XKR4: variants seen among roughly 807,000 people sequenced by gnomAD.
The protein encoded by XKR4 is XK related 4, also known as XK-related protein 4.
XKR4 carries 12 observed loss-of-function variants against 53.9 expected under a neutral mutation model. That is an observed-to-expected ratio of 0.22 (90% CI 0.14 to 0.36). The LOEUF (loss-of-function observed/expected upper bound fraction) is 0.36. Among genes scored for constraint, XKR4 ranks in the 10% least tolerant of loss-of-function variants. XKR4 has a pLI of 1.00. For missense variants in XKR4, 799 were observed against 859.5 expected (o/e 0.93, Z 0.88); for synonymous variants, 354 against 362.4 (o/e 0.98, Z 0.26).
chr8:55,449,736 A>G (rs1805401831), intron 2 of XKR4: 9 of 944,384 alleles, frequency 9.5e-6, no homozygotes, highest in Admixed American at 1.7e-5. Context: ...CGGTGGTCGT[A>G]GTAGCGTAGC....
chr8:55,486,679 T>C (rs1806195413), intron 2 of XKR4, among the ~76,000 whole-genome samples: 1 of 152,260 alleles, frequency 6.6e-6, no homozygotes, highest in South Asian at 2.1e-4. Context: ...CACTTGTATT[T>C]GGATAGTGGT....
chr8:55,484,839 G>C (rs1050857174), intron 2 of XKR4, among the ~76,000 whole-genome samples: 5 of 152,214 alleles, frequency 3.3e-5, no homozygotes, highest in African/African-American at 1.2e-4. Context: ...ATCTTCTCCT[G>C]TCTTCAGACT....
At chr8:55,457,948 CA>C (rs34211333) in intron 2 of XKR4, among the ~76,000 whole-genome samples, 1 of 151,620 alleles carries the variant, frequency 6.6e-6, no homozygotes, top group African/African-American at 2.4e-5. Flanking sequence ...GAACTACACA[CA>C]AAAAAACCAT....
Position 55,529,563 on chromosome 8 carries a change from A to G in XKR4, c.*5336A>G, listed in dbSNP as rs1035996258. The G allele has an allele frequency of 6.6e-6, 1 of 152,164 alleles. No individual in the cohort carries two copies. The highest frequency in any genetic ancestry group is 1.5e-5 in the Non-Finnish European group (1 of 68,034). 9.4% of individuals were successfully genotyped at this position (152,164 alleles called of 1,614,324 possible). A position where few individuals can be genotyped will look rare whatever the true frequency, so the allele number is the denominator to read the frequency against. ...CCTCACTGCCATCTGTGAGTTAAGCATCATTTACAGATGACAAAATCTGTA... is the reference window on the plus strand; with the variant it reads ...CCTCACTGCCATCTGTGAGTTAAGCGTCATTTACAGATGACAAAATCTGTA... On this transcript the variant is annotated 3_prime_UTR_variant, in exon 3 of 3. Transcript: ENST00000327381.
At chr8:55,478,969 C>T (rs1806053499) in intron 2 of XKR4, among the ~76,000 whole-genome samples, 1 of 152,104 alleles carries the variant, frequency 6.6e-6, no homozygotes, top group African/African-American at 2.4e-5. Flanking sequence ...TAACACCCCA[C>T]TGTCAACATT....
chr8:55,489,770 T>G (rs1806247227), intron 2 of XKR4, among the ~76,000 whole-genome samples: 1 of 152,184 alleles, frequency 6.6e-6, no homozygotes, highest in African/African-American at 2.4e-5. Flanking sequence ...TTAAATTATA[T>G]GAACTAGGTA....
At position 55,357,836 on chromosome 8, in the gene XKR4, T is replaced by A; in HGVS notation, c.965T>A (p.Leu322His). 1 of 1,614,208 alleles carries A rather than the reference T, an allele frequency of 6.2e-7. No homozygotes were observed. Among genetic ancestry groups the A allele is most frequent in the Non-Finnish European group, 8.5e-7 (1 of 1,180,024 alleles). ...LESAPQLVLQ[L>H]CIIVQTHSLQ... ...AGTGCTCCACAGCTGGTCCTGCAGC[T>A]CTGCATTATCGTACAGACTCATAGC... Residue 322 changes from leucine (L) to histidine (H), a missense_variant, in exon 2 of 3, where the codon CTC (leucine) becomes CAC (histidine). Physicochemically the swap from Leu to His is moderately conservative, Grantham distance 99 (BLOSUM62 -3). Around this residue, in one of 3 missense-constraint regions of XKR4, gnomAD observed 476 missense variants for 505.4 expected, o/e 0.94. Transcript: ENST00000327381.
In XKR4 at chr8:55,371,000, C is replaced by A. The variant is rs575393008; in HGVS notation, c.1006+13123C>A. ...ATTTCAGTCTAATGGAAAAGAGAGACCAAAACCTTATTAGAAGTCAATGTG... is the reference window on the plus strand; with the variant it reads ...ATTTCAGTCTAATGGAAAAGAGAGAACAAAACCTTATTAGAAGTCAATGTG... On this transcript the variant is annotated intron_variant, in intron 2 of 2. Coordinates refer to ENST00000327381, the MANE Select transcript of XKR4 (RefSeq NM_052898.2). Among the ~76,000 whole-genome samples, 4 of 151,506 alleles carry A rather than the reference C, an allele frequency of 2.6e-5. No homozygotes were observed. In the South Asian group the frequency reaches 8.5e-4, roughly 32 times the overall value.
chr8:55,369,210 G>T (rs1804034679), intron 2 of XKR4, among the ~76,000 whole-genome samples: 1 of 151,702 alleles, frequency 6.6e-6, no homozygotes, highest in Non-Finnish European at 1.5e-5. Flanking sequence ...AAAGAGAAAA[G>T]AAATTAGCCA....
chr8:55,452,196 T>A (rs1441307087), intron 2 of XKR4: 2 of 708,762 alleles, frequency 2.8e-6, no homozygotes, highest in Non-Finnish European at 4.9e-6. Flanking sequence ...CCCCACCTCC[T>A]CATCAAAGGC....
chr8:55,339,209 G>A (rs767611630), intron 1 of XKR4, among the ~76,000 whole-genome samples: 1 of 152,118 alleles, frequency 6.6e-6, no homozygotes, highest in Non-Finnish European at 1.5e-5. Flanking sequence ...TGTGTCTGAA[G>A]GGCATGAACT....
At position 55,202,943 on chromosome 8, in the gene XKR4, A is replaced by G. The variant is rs184619185; in HGVS notation, c.806+99649A>G. Among the ~76,000 whole-genome samples the G allele has an allele frequency of 2.3e-3, 343 of 152,336 alleles. 5 individuals are homozygous for G. The highest frequency in any genetic ancestry group is 0.021 in the Admixed American group (327 of 15,300). On this transcript the variant is annotated intron_variant, in intron 1 of 2. Transcript: ENST00000327381. ...ACCTTTAGGGAGAGCCTGTGGATCC[A>G]GCCACAGCTGGAGGGTTGGTTACAC...
chr8:55,364,772 A>G (rs1803951958), intron 2 of XKR4, among the ~76,000 whole-genome samples: 1 of 152,124 alleles, frequency 6.6e-6, no homozygotes, highest in Non-Finnish European at 1.5e-5. Context: ...AGCTGGAATT[A>G]CAGGCCCCCG....
At chr8:55,223,584 T>C (rs192117328) in intron 1 of XKR4, among the ~76,000 whole-genome samples, 1 of 152,360 alleles carries the variant, frequency 6.6e-6, no homozygotes, top group African/African-American at 2.4e-5. Flanking sequence ...TTCCAATGCA[T>C]TTCTAGAAAG....
At chr8:55,204,902 TGA>T (rs1217816426) in intron 1 of XKR4, among the ~76,000 whole-genome samples, 6 of 152,216 alleles carry the variant, frequency 3.9e-5, no homozygotes, top group Admixed American at 3.9e-4. Flanking sequence ...CAAAAAGCTC[TGA>T]GACACTCCCA....
intron 1 of XKR4, among the ~76,000 whole-genome samples, chr8:55,248,904 C>T (rs940053643): frequency 1.3e-5 from 2 of 152,060 alleles, no homozygotes; most frequent in Non-Finnish European, 2.9e-5. Context: ...TCAGTGGAGA[C>T]ATAAAGACGG....
At chr8:55,384,161 G>C (rs538107391) in intron 2 of XKR4, among the ~76,000 whole-genome samples, 9 of 152,280 alleles carry the variant, frequency 5.9e-5, no homozygotes, top group Non-Finnish European at 4.4e-5. Flanking sequence ...GTTTCAGGAA[G>C]GACAATCTGT....
intron 2 of XKR4, among the ~76,000 whole-genome samples, chr8:55,516,895 G>T (rs1013329860): frequency 3.3e-5 from 5 of 151,854 alleles, no homozygotes; most frequent in African/African-American, 1.2e-4. Flanking sequence ...AAGGAGGATT[G>T]GATTAAAAAA....
chr8:55,443,075 C>A (rs976134078), intron 2 of XKR4, among the ~76,000 whole-genome samples: 1 of 152,102 alleles, frequency 6.6e-6, no homozygotes. Flanking sequence ...ATTCTATAAA[C>A]TTTAACAGAC....
Sources: allele counts gnomAD v4.1 joint callset (sites outside exome capture counted in the v4.1 genomes callset), GRCh38; gene constraint gnomAD v4.1.1; regional missense constraint gnomAD v4.1.1; transcripts MANE v1.5; gene names NCBI Gene and HGNC (gene_info 2026-07-23, HGNC 2026-07-21).